Variants in ZNF600 observed in about 807,000 individuals in gnomAD.
ZNF600 encodes the protein zinc finger protein KR-ZNF1.
In ZNF600, 4 loss-of-function variants were observed where a neutral mutation model predicts 7.3. The observed-to-expected ratio is 0.55, with a 90% CI of 0.27 to 1.25. The LOEUF (loss-of-function observed/expected upper bound fraction) is 1.25. Among genes scored for constraint, ZNF600 ranks in the 50% most tolerant of loss-of-function variants. ZNF600 has a pLI of 0.12. For synonymous variants in ZNF600, 290 were observed against 308.9 expected (o/e 0.94, Z 0.64); for missense variants, 911 against 922.1 (o/e 0.99, Z 0.16).
exon 4 of ZNF600, chr19:52,765,006 A>G (rs1304390302): frequency 1.7e-5 from 4 of 237,868 alleles, no homozygotes; most frequent in Non-Finnish European, 2.5e-5. Flanking sequence ...ACCGTGCTGG[A>G]ATTACAGGTG....
the ZNF600 span, among the ~76,000 whole-genome samples, chr19:52,820,142 G>T: frequency 8.0e-5 from 7 of 87,554 alleles, no homozygotes; most frequent in Non-Finnish European, 1.1e-4. Context: ...ACGGAGTCTC[G>T]CTCTGTCGTC....
At chr19:52,832,090 G>GTTACACGCGTGGTGATGCACACCTC in the ZNF600 span, among the ~76,000 whole-genome samples, 44,628 of 151,794 alleles carry the variant, frequency 0.29, 6,950 homozygotes, top group South Asian at 0.51. Context: ...ACATCACAGT[G>GTTACACGCGTGGTGATGCACACCTC]TAATCCCAGC....
the ZNF600 span, among the ~76,000 whole-genome samples, chr19:52,832,776 C>CA: frequency 1.3e-5 from 2 of 151,710 alleles, no homozygotes; most frequent in Non-Finnish European, 2.9e-5. Flanking sequence ...TCTCTCTCTC[C>CA]TTTTTTTTCT....
At chr19:52,811,672 G>A in the ZNF600 span, among the ~76,000 whole-genome samples, 1 of 148,252 alleles carries the variant, frequency 6.7e-6, no homozygotes. Context: ...CCCCGTCTGA[G>A]AAGTGAGGAG....
At chr19:52,803,776 G>A in the ZNF600 span, among the ~76,000 whole-genome samples, 2 of 151,890 alleles carry the variant, frequency 1.3e-5, no homozygotes, top group African/African-American at 2.4e-5. Flanking sequence ...GGGCAACATG[G>A]TGAAACCCCA....
At chr19:52,829,499 T>C in the ZNF600 span, among the ~76,000 whole-genome samples, 12 of 151,366 alleles carry the variant, frequency 7.9e-5, no homozygotes, top group South Asian at 2.1e-4. Context: ...CTCAGCCTCC[T>C]GTGTAGCTGG....
chr19:52,801,516 G>A, the ZNF600 span: 17 of 1,614,074 alleles, frequency 1.1e-5, no homozygotes, highest in Admixed American at 1.0e-4. Flanking sequence ...CATGGGTGCT[G>A]CATGGTCATT....
At chr19:52,769,087 C>T (rs915540050) in intron 3 of ZNF600, among the ~76,000 whole-genome samples, 2 of 152,068 alleles carry the variant, frequency 1.3e-5, no homozygotes, top group African/African-American at 4.8e-5. Context: ...GGAAGATGCC[C>T]GTTGCCAAGC....
chr19:52,816,384 G>C, the ZNF600 span, among the ~76,000 whole-genome samples: 9,293 of 146,004 alleles, frequency 0.064, 1,332 homozygotes, highest in African/African-American at 0.13. Context: ...AGCCAGGCAA[G>C]CCGGGCGCGG....
At chr19:52,801,937 A>G in the ZNF600 span, among the ~76,000 whole-genome samples, 2 of 152,192 alleles carry the variant, frequency 1.3e-5, no homozygotes, top group Non-Finnish European at 2.9e-5. Context: ...CTGACAGGGC[A>G]CAAACATGTG....
At chr19:52,808,235 G>A in the ZNF600 span, 21 of 1,542,532 alleles carry the variant, frequency 1.4e-5, no homozygotes, top group Non-Finnish European at 1.6e-5. Context: ...TGTAGTGAAT[G>A]TTCTCACAAA....
the ZNF600 span, among the ~76,000 whole-genome samples, chr19:52,828,628 G>A: frequency 5.9e-5 from 9 of 152,038 alleles, no homozygotes; most frequent in African/African-American, 2.2e-4. Context: ...AATGTGTACT[G>A]GGAAAATTGA....
the ZNF600 span, among the ~76,000 whole-genome samples, chr19:52,802,375 CAAAA>C: frequency 3.0e-5 from 1 of 33,632 alleles, no homozygotes. Flanking sequence ...CTCAAAAAAA[CAAAA>C]AAACAAACAA....
At chr19:52,815,651 CATCTCTACTA>C in the ZNF600 span, among the ~76,000 whole-genome samples, 1 of 146,354 alleles carries the variant, frequency 6.8e-6, no homozygotes, top group Non-Finnish European at 1.5e-5. Context: ...AATGAAACCC[CATCTCTACTA>C]AAAATACAAA....
chr19:52,803,177 C>T, the ZNF600 span, among the ~76,000 whole-genome samples: 3 of 152,156 alleles, frequency 2.0e-5, no homozygotes, highest in African/African-American at 7.2e-5. Context: ...CCTTGGGGTT[C>T]ATGTGAGTCT....
exon 4 of ZNF600, chr19:52,765,452 A>G: frequency 2.3e-6 from 3 of 1,329,824 alleles, no homozygotes; most frequent in South Asian, 2.4e-5. Context: ...GAGTGTGTCA[A>G]TGAACTGCAA....
chr19:52,789,574 C>T (rs552554204), upstream of ZNF600, among the ~76,000 whole-genome samples: 23 of 152,210 alleles, frequency 1.5e-4, 1 homozygote, highest in Middle Eastern at 6.8e-3. Context: ...GGCAATGGAG[C>T]GAGACTCTAT....
chr19:52,830,124 T>C, the ZNF600 span, among the ~76,000 whole-genome samples: 1 of 151,904 alleles, frequency 6.6e-6, no homozygotes, highest in South Asian at 2.1e-4. Flanking sequence ...AAATACAAAA[T>C]TAGCTGGGTG....
chr19:52,822,333 A>G, the ZNF600 span, among the ~76,000 whole-genome samples: 1 of 151,972 alleles, frequency 6.6e-6, no homozygotes, highest in East Asian at 1.9e-4. Context: ...TGGCCTCCCC[A>G]AGTGCTGGGA....
Sources: gnomAD v4.1 joint callset for allele counts (sites outside exome capture counted in the v4.1 genomes callset) on GRCh38, gnomAD v4.1.1 for gene constraint, MANE v1.5 for transcripts, NCBI Gene and HGNC (gene_info 2026-07-23, HGNC 2026-07-21) for gene names.